Variants in KDM4C observed in about 807,000 individuals in gnomAD.
The protein encoded by KDM4C is lysine demethylase 4C.
A neutral mutation model predicts 129.3 loss-of-function variants in KDM4C; 81 were observed. The observed-to-expected ratio is 0.63, with a 90% CI of 0.52 to 0.75. The LOEUF is 0.75. Among genes scored for constraint, KDM4C ranks in the 30% least tolerant of loss-of-function variants. KDM4C has a pLI of 0.00. For synonymous variants in KDM4C, 573 were observed against 456.1 expected, an observed-to-expected ratio of 1.26 and a Z score of -3.26; for missense variants, 1,457 against 1,304.0, an observed-to-expected ratio of 1.12 and a Z score of -1.81.
chr9:6,921,001 C>T (rs1158049353), intron 8 of KDM4C, among the ~76,000 whole-genome samples: 1 of 151,982 alleles, frequency 6.6e-6, no homozygotes, highest in African/African-American at 2.4e-5. Flanking sequence ...TAAAGTTGTT[C>T]CTTTATTATT....
chr9:6,997,316 G>A (rs922466383), intron 12 of KDM4C, among the ~76,000 whole-genome samples: 4 of 152,144 alleles, frequency 2.6e-5, no homozygotes, highest in Admixed American at 6.5e-5. Context: ...TCAGACATGC[G>A]GAGCTGGAGC....
chr9:7,154,052 C>T (rs1842940681), intron 19 of KDM4C, among the ~76,000 whole-genome samples: 1 of 152,136 alleles, frequency 6.6e-6, no homozygotes, highest in Non-Finnish European at 1.5e-5. Flanking sequence ...GGCCAGGCCG[C>T]TGTAGTTGTC....
intron 8 of KDM4C, among the ~76,000 whole-genome samples, chr9:6,969,387 C>T (rs1754164068): frequency 6.6e-6 from 1 of 152,088 alleles, no homozygotes; most frequent in Non-Finnish European, 1.5e-5. Context: ...ATCTAAAAAT[C>T]AAGCCTCCAC....
intron 5 of KDM4C, among the ~76,000 whole-genome samples, chr9:6,862,752 A>G (rs1190483388): frequency 6.6e-6 from 1 of 152,222 alleles, no homozygotes; most frequent in Admixed American, 6.5e-5. Context: ...GGATGCAGTG[A>G]GCCGAGATCA....
chr9:6,734,958 T>C (rs1817474917), intron 1 of KDM4C: 7 of 571,874 alleles, frequency 1.2e-5, no homozygotes, highest in Non-Finnish European at 2.1e-5. Context: ...TATATGTCTG[T>C]CTAACACATC....
intron 12 of KDM4C, among the ~76,000 whole-genome samples, chr9:7,010,009 C>T (rs1822397985): frequency 6.6e-6 from 1 of 152,098 alleles, no homozygotes; most frequent in Non-Finnish European, 1.5e-5. Flanking sequence ...CTACTATAAA[C>T]ATAAATCTAT....
intron 8 of KDM4C, chr9:6,941,758 C>T (rs1825980689): frequency 6.6e-6 from 1 of 152,196 alleles, no homozygotes; most frequent in African/African-American, 2.4e-5. Context: ...ATCACATTCA[C>T]CCGGAAGCCT....
chr9:7,054,699 G>C (rs1479597030), intron 17 of KDM4C, among the ~76,000 whole-genome samples: 4 of 152,322 alleles, frequency 2.6e-5, no homozygotes, highest in African/African-American at 9.6e-5. Flanking sequence ...TGTTTACCAT[G>C]AATGTTTATT....
intron 1 of KDM4C, among the ~76,000 whole-genome samples, chr9:6,766,369 C>G (rs1466854305): frequency 6.6e-6 from 1 of 151,506 alleles, no homozygotes; most frequent in Non-Finnish European, 1.5e-5. Context: ...GTACAAAAAG[C>G]TATAATTTCA....
chr9:6,921,460 GCTCA>G (rs1821492166), intron 8 of KDM4C, among the ~76,000 whole-genome samples: 1 of 152,132 alleles, frequency 6.6e-6, no homozygotes, highest in Non-Finnish European at 1.5e-5. Flanking sequence ...AGTCATCACT[GCTCA>G]CTCGCTTTCT....
At chr9:6,750,294 C>A (rs1044884319) in intron 1 of KDM4C, among the ~76,000 whole-genome samples, 1 of 151,922 alleles carries the variant, frequency 6.6e-6, no homozygotes, top group Non-Finnish European at 1.5e-5. Flanking sequence ...CAAAAATTAT[C>A]TGGGCATGGT....
chr9:6,988,158 TAAAAAAAAAAAAAAA>T (rs60244122), intron 11 of KDM4C, among the ~76,000 whole-genome samples: 3 of 85,338 alleles, frequency 3.5e-5, no homozygotes, highest in African/African-American at 9.2e-5. Flanking sequence ...CCCTGTCTCT[TAAAAAAAAAAAAAAA>T]AAAAAAAAAA....
At chr9:6,947,161 C>T (rs1827118141) in intron 8 of KDM4C, among the ~76,000 whole-genome samples, 1 of 152,142 alleles carries the variant, frequency 6.6e-6, no homozygotes, top group Non-Finnish European at 1.5e-5. Flanking sequence ...TCACTTGCGC[C>T]AAATTTCTCT....
intron 8 of KDM4C, among the ~76,000 whole-genome samples, chr9:6,968,942 G>A (rs1831465772): frequency 6.6e-6 from 1 of 152,056 alleles, no homozygotes; most frequent in Admixed American, 6.6e-5. Context: ...TTAATTGTGT[G>A]TGTGTGTGTT....
chr9:7,051,356 A>C (rs1475617970), intron 17 of KDM4C, among the ~76,000 whole-genome samples: 1 of 152,182 alleles, frequency 6.6e-6, no homozygotes, highest in Non-Finnish European at 1.5e-5. Context: ...ACTGCAGTCC[A>C]GTGTCTGTGC....
chr9:7,024,588 G>T (rs1389170503), intron 15 of KDM4C, among the ~76,000 whole-genome samples: 2 of 151,728 alleles, frequency 1.3e-5, no homozygotes, highest in East Asian at 1.9e-4. Context: ...GTGGTGTTTG[G>T]TTTTCTGTTC....
chr9:7,013,290 C>T (rs2132158001), intron 13 of KDM4C, among the ~76,000 whole-genome samples: 1 of 152,062 alleles, frequency 6.6e-6, no homozygotes, highest in East Asian at 1.9e-4. Flanking sequence ...ATACATTATC[C>T]TTTCTTATTT....
At position 7,012,748 on chromosome 9, in the gene KDM4C, G is replaced by A. The variant is rs75617007; in HGVS notation, c.1968+869G>A. 3.0e-4 allele frequency among the ~76,000 whole-genome samples: 45 copies of A among 152,230 alleles called. No individual in the cohort carries two copies. In the East Asian group the frequency reaches 8.5e-3, roughly 29 times the overall value. On this transcript the variant is annotated intron_variant, in intron 13 of 21. Coordinates refer to ENST00000381309, the MANE Select transcript of KDM4C (RefSeq NM_015061.6). ...CAGTTGAAATATTTTTAGGAATCTCGTAAGGGTGGAACTATGTGGTTCATT... is the reference window on the plus strand; with the variant it reads ...CAGTTGAAATATTTTTAGGAATCTCATAAGGGTGGAACTATGTGGTTCATT...
At chr9:6,738,926 C>T (rs1439792641) in intron 1 of KDM4C, among the ~76,000 whole-genome samples, 2 of 151,824 alleles carry the variant, frequency 1.3e-5, no homozygotes, top group African/African-American at 4.8e-5. Context: ...TGGGGTTTCC[C>T]CATGTTTGCC....
Sources: gnomAD v4.1 joint callset for allele counts (sites outside exome capture counted in the v4.1 genomes callset) on GRCh38, gnomAD v4.1.1 for gene constraint, MANE v1.5 for transcripts, NCBI Gene and HGNC (gene_info 2026-07-23, HGNC 2026-07-21) for gene names.